Variants in AMPH observed in about 807,000 individuals in gnomAD.
AMPH encodes amphiphysin, also known as amphiphysin (Stiff-Mann syndrome with breast cancer 128kD autoantigen).
Under a neutral mutation model 99.1 loss-of-function variants are expected in AMPH, and 49 were observed. The observed-to-expected ratio is 0.49, with a 90% CI of 0.39 to 0.63. The LOEUF (loss-of-function observed/expected upper bound fraction) is 0.63. AMPH is among the 20% of genes least tolerant of loss of function. AMPH has a pLI of 0.00. For missense variants in AMPH, 759 were observed against 863.4 expected (o/e 0.88, Z 1.52); for synonymous variants, 314 against 317.3 (o/e 0.99, Z 0.11).
At chr7:38,439,080 A>C (rs1337942849) in intron 11 of AMPH, among the ~76,000 whole-genome samples, 3 of 152,134 alleles carry the variant, frequency 2.0e-5, no homozygotes, top group Non-Finnish European at 4.4e-5. Flanking sequence ...TGATGGTTTT[A>C]AAGTGTGGCA....
At chr7:38,617,624 T>C (rs2043260) in intron 1 of AMPH, among the ~76,000 whole-genome samples, 83,570 of 152,016 alleles carry the variant, frequency 0.55, 23,491 homozygotes, top group Middle Eastern at 0.59. Context: ...AGCTCTGTCA[T>C]CCACTGATGA....
At chr7:38,514,949 A>G (rs1331071579) in intron 2 of AMPH, among the ~76,000 whole-genome samples, 1 of 152,206 alleles carries the variant, frequency 6.6e-6, no homozygotes, top group Non-Finnish European at 1.5e-5. Context: ...GGCTAAAAAG[A>G]GCATTTATGG....
At chr7:38,469,919 C>T (rs1436706930) in intron 7 of AMPH, among the ~76,000 whole-genome samples, 1 of 152,160 alleles carries the variant, frequency 6.6e-6, no homozygotes, top group Admixed American at 6.5e-5. Context: ...AGTGGCCCAC[C>T]CACTAACCTA....
chr7:38,490,130 G>A (rs1243110741), intron 5 of AMPH, among the ~76,000 whole-genome samples: 5 of 152,068 alleles, frequency 3.3e-5, no homozygotes, highest in Admixed American at 3.3e-4. Flanking sequence ...CTCAAAACAT[G>A]TTCCCTGGTG....
Position 38,494,512 on chromosome 7 carries a change from G to C in AMPH, c.221C>G (p.Ser74Cys). 6.2e-7 allele frequency: 1 copy of C among 1,613,798 alleles called. No homozygotes were observed. Among genetic ancestry groups the C allele is most frequent in the South Asian group, 1.1e-5 (1 of 91,076 alleles). ...LAAIKGMQEA[S>C]MKLTESLHEV... ...ATGCAGCGACTCTGTGAGCTTCATG[G>C]AGGCCTCCTGCATGCCTAGTGTTGG... The change falls in exon 4 of 21, where the codon TCC (serine) becomes TGC (cysteine). Residue 74 changes from serine to cysteine, a missense_variant. By Grantham distance (112) the Ser-to-Cys change is moderately radical. Around this residue, in one of 2 missense-constraint regions of AMPH, gnomAD observed 205 missense variants for 287.9 expected, o/e 0.71. Transcript: ENST00000356264.
At chr7:38,500,104 T>C (rs909688023) in intron 3 of AMPH, among the ~76,000 whole-genome samples, 7 of 152,298 alleles carry the variant, frequency 4.6e-5, no homozygotes, top group African/African-American at 1.4e-4. Context: ...TCAAGTTTGG[T>C]CCCAAAACCC....
chr7:38,483,077 G>A (rs538878961), intron 5 of AMPH, among the ~76,000 whole-genome samples: 2 of 152,204 alleles, frequency 1.3e-5, no homozygotes, highest in Non-Finnish European at 1.5e-5. Flanking sequence ...ATAATGAAGA[G>A]GGAACCTCCA....
intron 2 of AMPH, among the ~76,000 whole-genome samples, chr7:38,525,440 T>TTGTG (rs1169386331): frequency 1.7e-5 from 2 of 116,992 alleles, no homozygotes; most frequent in South Asian, 3.2e-4. Flanking sequence ...CTGTACTCAT[T>TTGTG]TGTGCGTGTG....
chr7:38,409,700 G>A (rs1387558847), intron 17 of AMPH, among the ~76,000 whole-genome samples: 4 of 152,066 alleles, frequency 2.6e-5, no homozygotes, highest in Admixed American at 1.3e-4. Context: ...CTCAGCAGCC[G>A]GGTCCCAGAG....
chr7:38,502,458 T>G (rs986914798), intron 3 of AMPH, among the ~76,000 whole-genome samples: 2 of 152,170 alleles, frequency 1.3e-5, no homozygotes, highest in Admixed American at 6.6e-5. Flanking sequence ...GAGAGATTAA[T>G]TCCTTGTCTA....
At chr7:38,537,874 T>C (rs550048674) in intron 1 of AMPH, among the ~76,000 whole-genome samples, 1 of 152,156 alleles carries the variant, frequency 6.6e-6, no homozygotes, top group Non-Finnish European at 1.5e-5. Flanking sequence ...AGATAGTTGA[T>C]ACTATGTGAT....
intron 3 of AMPH, among the ~76,000 whole-genome samples, chr7:38,497,987 C>A (rs1029258164): frequency 6.6e-6 from 1 of 152,210 alleles, no homozygotes; most frequent in Non-Finnish European, 1.5e-5. Flanking sequence ...GCTGCACCTG[C>A]ATGCCAGTGA....
chr7:38,623,986 A>G (rs1224769178), intron 1 of AMPH, among the ~76,000 whole-genome samples: 1 of 152,194 alleles, frequency 6.6e-6, no homozygotes, highest in Non-Finnish European at 1.5e-5. Flanking sequence ...CATTCCCACC[A>G]TGTATAGAAT....
At chr7:38,598,257 G>T (rs1301474060) in intron 1 of AMPH, among the ~76,000 whole-genome samples, 5 of 151,924 alleles carry the variant, frequency 3.3e-5, no homozygotes, top group Admixed American at 6.6e-5. Context: ...GTTTTTTGTT[G>T]TTGTTGTTGT....
chr7:38,584,526 G>A (rs1792577436), intron 1 of AMPH, among the ~76,000 whole-genome samples: 1 of 152,164 alleles, frequency 6.6e-6, no homozygotes, highest in South Asian at 2.1e-4. Context: ...GTCCATGAGG[G>A]GATGTCCCCT....
At chr7:38,561,292 A>T (rs1791543820) in intron 1 of AMPH, among the ~76,000 whole-genome samples, 1 of 152,236 alleles carries the variant, frequency 6.6e-6, no homozygotes, top group African/African-American at 2.4e-5. Flanking sequence ...AGTTATCAAC[A>T]TTCCAAGCTA....
rs187448548 is a variant in AMPH at position 38,564,336 on chromosome 7, C to T, written c.70-29325G>A. 8.0e-4 allele frequency among the ~76,000 whole-genome samples: 122 copies of T among 152,226 alleles called. 1 individual carries two copies. The highest frequency in any genetic ancestry group is 2.9e-3 in the Admixed American group (45 of 15,292). ...TACAGACTGTGACCCACTTGCAGGG[C>T]AGTGTGAGAGATGGGAGGGCTGTGG... On this transcript the variant is annotated intron_variant, in intron 1 of 20. Transcript: ENST00000356264.
intron 1 of AMPH, among the ~76,000 whole-genome samples, chr7:38,549,351 T>C (rs7789926): frequency 0.12 from 18,779 of 152,194 alleles, 1,895 homozygotes; most frequent in East Asian, 0.37. Context: ...ACATAAGATC[T>C]GGCTCTTTTG....
At chr7:38,388,626 G>T (rs918677967) in intron 20 of AMPH, among the ~76,000 whole-genome samples, 3 of 151,844 alleles carry the variant, frequency 2.0e-5, no homozygotes, top group African/African-American at 7.3e-5. Context: ...GGCTTTTAAA[G>T]ATATATTATT....
Sources: allele counts gnomAD v4.1 joint callset (sites outside exome capture counted in the v4.1 genomes callset), GRCh38; gene constraint gnomAD v4.1.1; regional missense constraint gnomAD v4.1.1; transcripts MANE v1.5; gene names NCBI Gene and HGNC (gene_info 2026-07-23, HGNC 2026-07-21).